PARD3B: variants seen among roughly 807,000 people sequenced by gnomAD.
PARD3B encodes the protein par-3 family cell polarity regulator beta, also known as partitioning defective 3 homolog B.
Under a neutral mutation model 130.2 loss-of-function variants are expected in PARD3B, and 103 were observed. The observed-to-expected ratio is 0.79, with a 90% CI of 0.67 to 0.93. The LOEUF (loss-of-function observed/expected upper bound fraction) is 0.93, where lower values mean the gene tolerates loss of function less well. PARD3B is among the 40% of genes least tolerant of loss of function. The pLI is 0.00. For synonymous variants in PARD3B, 583 were observed against 553.2 expected (o/e 1.05, Z -0.76); for missense variants, 1,609 against 1,499.2 (o/e 1.07, Z -1.21).
At chr2:205,606,272 A>G (rs2054994236) in intron 22 of PARD3B, among the ~76,000 whole-genome samples, 1 of 152,118 alleles carries the variant, frequency 6.6e-6, no homozygotes, top group South Asian at 2.1e-4. Flanking sequence ...CTCCTGATCC[A>G]TGGGTTACAC....
chr2:204,933,587 A>T lies in PARD3B; in HGVS notation c.223-31565A>T, dbSNP rs957268894. On this transcript the variant is annotated intron_variant, in intron 2 of 22. Coordinates refer to ENST00000406610, the MANE Select transcript of PARD3B (RefSeq NM_001302769.2). ...TGCTGTGTTAGAAATAATGGTTGTG[A>T]CTGTAAAGCCCCAAATTGCTTGTAA... Among the ~76,000 whole-genome samples the T allele has an allele frequency of 3.3e-5, 5 of 152,314 alleles. No individual in the cohort carries two copies. The South Asian group carries it at 1.0e-3, about 32-fold the overall frequency.
chr2:204,801,313 C>T (rs146378449), intron 2 of PARD3B, among the ~76,000 whole-genome samples: 8 of 152,280 alleles, frequency 5.3e-5, no homozygotes, highest in Non-Finnish European at 5.9e-5. Context: ...GCAGTATGGC[C>T]ATTTTCACAG....
rs1376101553 is a variant in PARD3B, at chr2:205,473,674, GTGTGTGTATGTA to G, written c.3045-26220_3045-26209del. On this transcript the variant is annotated intron_variant, in intron 20 of 22. Transcript: ENST00000406610. This position sits in a 1 kb window ranked among gnomAD's most constrained non-coding sequence, Gnocchi z 4.9. ...TATATATGTGTGTGTGTGTGTGTGT[GTGTGTGTATGTA>G]TATATATATATATATATATATATAC... Among the ~76,000 whole-genome samples the G allele has an allele frequency of 6.3e-5, 6 of 95,962 alleles. No individual in the cohort carries two copies. In the South Asian group the frequency reaches 9.4e-4, roughly 15 times the overall value. 63.0% of individuals were successfully genotyped at this position (95,962 alleles called of 152,430 possible).
chr2:205,147,475 A>G (rs896372672), intron 10 of PARD3B, among the ~76,000 whole-genome samples: 2 of 152,148 alleles, frequency 1.3e-5, no homozygotes, highest in Admixed American at 1.3e-4. Context: ...TGGAATGGCC[A>G]TTTTCTGATT....
chr2:205,235,734 G>A (rs1174136636), intron 15 of PARD3B, among the ~76,000 whole-genome samples: 1 of 151,898 alleles, frequency 6.6e-6, no homozygotes, highest in African/African-American at 2.4e-5. Flanking sequence ...AGTGTGAATT[G>A]TTTATTTCTT....
At chr2:205,058,313 T>C (rs982785167) in intron 4 of PARD3B, among the ~76,000 whole-genome samples, 2 of 151,996 alleles carry the variant, frequency 1.3e-5, no homozygotes, top group African/African-American at 4.8e-5. Context: ...TATACAAATA[T>C]ACCACATTTT....
intron 4 of PARD3B, among the ~76,000 whole-genome samples, chr2:205,070,199 T>TGACATAC (rs575467991): frequency 1.2e-3 from 179 of 152,280 alleles, no homozygotes; most frequent in Non-Finnish European, 1.9e-3. Flanking sequence ...ACAGAAGCTA[T>TGACATAC]GACATACAAC....
chr2:204,801,026 G>A (rs1364474687), intron 2 of PARD3B, among the ~76,000 whole-genome samples: 1 of 152,094 alleles, frequency 6.6e-6, no homozygotes, highest in Non-Finnish European at 1.5e-5. Context: ...GGTTGTAGAT[G>A]TGTGGGGTCA....
intron 10 of PARD3B, among the ~76,000 whole-genome samples, chr2:205,129,798 G>A (rs12465268): frequency 0.22 from 33,059 of 152,122 alleles, 4,008 homozygotes; most frequent in East Asian, 0.4. Context: ...GTGGTCAGCA[G>A]TTATACAGGA....
In PARD3B at chr2:204,743,478, T is replaced by C. The variant is rs147276028; in HGVS notation, c.222+57196T>C. ...TGAAAAATGACCTGTTATAAGCCTGTACACTGTGGCATTTACTGGTAAGGT... is the reference window on the plus strand; with the variant it reads ...TGAAAAATGACCTGTTATAAGCCTGCACACTGTGGCATTTACTGGTAAGGT... On this transcript the variant is annotated intron_variant, in intron 2 of 22. Transcript: ENST00000406610. 1.7e-3 allele frequency among the ~76,000 whole-genome samples: 266 copies of C among 152,276 alleles called. 2 individuals carry two copies. The highest frequency in any genetic ancestry group is 6.1e-3 in the African/African-American group (252 of 41,560).
chr2:205,281,255 T>C lies in PARD3B; in HGVS notation c.2186-19275T>C, dbSNP rs146039179. ...AAGACAAAAGGGTTGGGGATGATCA[T>C]GTTAAATAAACATCTACTTTAGCAT... On this transcript the variant is annotated intron_variant, in intron 16 of 22. Transcript: ENST00000406610. The surrounding 1 kb of genome is among the most constrained non-coding windows in gnomAD (Gnocchi z 4.2). Among the ~76,000 whole-genome samples, 6 of 152,302 alleles carry C rather than the reference T, an allele frequency of 3.9e-5. No individual in the cohort carries two copies. The highest frequency in any genetic ancestry group is 1.2e-4 in the African/African-American group (5 of 41,572).
intron 4 of PARD3B, among the ~76,000 whole-genome samples, chr2:205,061,210 G>A (rs1700045318): frequency 6.6e-6 from 1 of 152,072 alleles, no homozygotes; most frequent in South Asian, 2.1e-4. Context: ...AATTCAGCTT[G>A]GAGATTCATT....
In PARD3B at chr2:204,664,197, TAACTC is replaced by T. The variant is rs2125190240; in HGVS notation, c.121-21981_121-21977del. On this transcript the variant is annotated intron_variant, in intron 1 of 22. Transcript: ENST00000406610. This position sits in a 1 kb window ranked among gnomAD's most constrained non-coding sequence, Gnocchi z 5.2. Reference sequence around the variant, plus strand: ...GTTTTATTCTGAGAACCTTCATTCTTAACTCAAATCTCAAAAATAGATGACAAGGC... The same window carrying T: ...GTTTTATTCTGAGAACCTTCATTCTTAAATCTCAAAAATAGATGACAAGGC... Among the ~76,000 whole-genome samples the T allele has an allele frequency of 6.6e-6, 1 of 152,344 alleles. No homozygotes were observed. Among genetic ancestry groups the T allele is most frequent in the African/African-American group, 2.4e-5 (1 of 41,586 alleles).
At chr2:204,793,085 G>T (rs1024281083) in intron 2 of PARD3B, among the ~76,000 whole-genome samples, 11 of 152,102 alleles carry the variant, frequency 7.2e-5, no homozygotes, top group African/African-American at 2.7e-4. Context: ...AATCCAAGGT[G>T]ATCAAAAGAA....
intron 3 of PARD3B, among the ~76,000 whole-genome samples, chr2:205,022,361 T>G (rs1426586198): frequency 6.6e-6 from 1 of 152,196 alleles, no homozygotes; most frequent in Non-Finnish European, 1.5e-5. Flanking sequence ...TTACAAATGA[T>G]CTTTAGAAAT....
rs1053634490 is a variant in PARD3B at position 204,890,520 on chromosome 2, A to T, written c.223-74632A>T. 6.6e-6 allele frequency among the ~76,000 whole-genome samples: 1 copy of T among 152,222 alleles called. No individual in the cohort carries two copies. Among genetic ancestry groups the T allele is most frequent in the Admixed American group, 6.5e-5 (1 of 15,282 alleles). ...TTATTGGGTAATTATTTAAAGGAAC[A>T]GTATGTTAATGGATTTTCCTTGTTT... On this transcript the variant is annotated intron_variant, in intron 2 of 22. Transcript: ENST00000406610. This position sits in a 1 kb window ranked among gnomAD's most constrained non-coding sequence, Gnocchi z 4.9.
chr2:204,635,741 C>T (rs989813775), intron 1 of PARD3B, among the ~76,000 whole-genome samples: 3 of 152,060 alleles, frequency 2.0e-5, no homozygotes, highest in African/African-American at 7.2e-5. Flanking sequence ...ATTTCCTTGT[C>T]GTGTAAAATG....
intron 2 of PARD3B, among the ~76,000 whole-genome samples, chr2:204,744,424 CT>C (rs1254133193): frequency 2.0e-5 from 3 of 152,142 alleles, no homozygotes; most frequent in Admixed American, 2.0e-4. Flanking sequence ...GCACATTTTT[CT>C]AATTCTTAGG....
intron 1 of PARD3B, among the ~76,000 whole-genome samples, chr2:204,685,383 C>T (rs577380972): frequency 5.3e-5 from 8 of 152,082 alleles, no homozygotes; most frequent in Non-Finnish European, 1.2e-4. Flanking sequence ...ATGTTCTTGT[C>T]CCATCGCTAT....
Sources: allele counts gnomAD v4.1 joint callset (sites outside exome capture counted in the v4.1 genomes callset), GRCh38; gene constraint gnomAD v4.1.1; non-coding constraint Gnocchi (gnomAD v3.1); transcripts MANE v1.5; gene names NCBI Gene and HGNC (gene_info 2026-07-23, HGNC 2026-07-21).